Variants in ZNF451 observed in about 807,000 individuals in gnomAD.
ZNF451 encodes zinc finger protein 451.
In ZNF451, 80 loss-of-function variants were observed where a neutral mutation model predicts 107.1. The observed-to-expected ratio is 0.75, with a 90% CI of 0.62 to 0.90. The LOEUF (loss-of-function observed/expected upper bound fraction) is 0.90. Among genes scored for constraint, ZNF451 ranks in the 40% least tolerant of loss-of-function variants. The probability of loss-of-function intolerance (pLI) is 0.00; values close to 1 mark genes in which losing one functional copy is unlikely to be tolerated. For synonymous variants in ZNF451, 362 were observed against 406.5 expected (o/e 0.89, Z 1.32); for missense variants, 1,107 against 1,236.2 (o/e 0.90, Z 1.57).
intron 9 of ZNF451, 85 bp from the exon 10 acceptor site, chr6:57,147,000 GTTATT>G: frequency 8.2e-7 from 1 of 1,220,870 alleles, no homozygotes; most frequent in South Asian, 1.6e-5. Context: ...TTATACGTTG[GTTATT>G]TTATAATTCC....
chr6:57,100,867 C>T, intron 3 of ZNF451: 1 of 1,549,842 alleles, frequency 6.5e-7, no homozygotes, highest in East Asian at 2.4e-5. Context: ...TTCATCTCCA[C>T]TTCTGGTCCC....
chr6:57,159,700 T>G (rs1763586102), intron 13 of ZNF451, among the ~76,000 whole-genome samples: 1 of 152,158 alleles, frequency 6.6e-6, no homozygotes. Flanking sequence ...AATGTAATGT[T>G]TTATTTACCT....
At chr6:57,112,146 C>T (rs16888316) in intron 3 of ZNF451, among the ~76,000 whole-genome samples, 13,604 of 152,056 alleles carry the variant, frequency 0.089, 676 homozygotes, top group East Asian at 0.096. Flanking sequence ...ATTTGGGATA[C>T]GGGTTTGAGT....
intron 3 of ZNF451, among the ~76,000 whole-genome samples, chr6:57,119,218 T>C (rs1275501451): frequency 1.3e-5 from 2 of 152,160 alleles, no homozygotes; most frequent in South Asian, 2.1e-4. Flanking sequence ...TTGTAACCAA[T>C]CATTCTGGTA....
In ZNF451 at chr6:57,120,812, G is replaced by T. The variant is rs868409531; in HGVS notation, c.187-3922G>T. ...CAGTCCTTTATCAGATGTGTCTTTT[G>T]CACATATTCTCCCAGTCTGTGGCTT... On this transcript the variant is annotated intron_variant, in intron 3 of 14. Coordinates refer to ENST00000370706, the MANE Select transcript of ZNF451 (RefSeq NM_001031623.3). Among the ~76,000 whole-genome samples, 12 of 152,218 alleles carry T rather than the reference G, an allele frequency of 7.9e-5. No individual in the cohort carries two copies. The South Asian group carries it at 2.1e-3, about 26-fold the overall frequency.
Position 57,147,574 on chromosome 6 carries a change from G to C in ZNF451, c.1489G>C (p.Gly497Arg). ...EKHVFSANTM[G>R]YKCVVCGKVC... ...GCATGTTTTCTCAGCAAACACAATG[G>C]GTTATAAATGTGTGGTCTGTGGAAA... Residue 497 changes from glycine (G) to arginine (R), a missense_variant, in exon 10 of 15, where the codon GGT becomes CGT. Physicochemically the swap from Gly to Arg is moderately radical, Grantham distance 125. Around this residue, in one of 5 missense-constraint regions of ZNF451, gnomAD observed 608 missense variants for 649.2 expected, o/e 0.94. Coordinates refer to ENST00000370706, the MANE Select transcript of ZNF451 (RefSeq NM_001031623.3). 6.2e-7 allele frequency: 1 copy of C among 1,614,096 alleles called. No homozygotes were observed. The highest frequency in any genetic ancestry group is 8.5e-7 in the Non-Finnish European group (1 of 1,179,974).
intron 3 of ZNF451, chr6:57,099,593 G>T (rs931051520): frequency 1.4e-6 from 1 of 700,846 alleles, no homozygotes; most frequent in African/African-American, 1.8e-5. Flanking sequence ...GGTTTATAGG[G>T]GATATATTAC....
chr6:57,101,808 A>G, intron 3 of ZNF451: 1 of 1,550,542 alleles, frequency 6.4e-7, no homozygotes, highest in South Asian at 1.2e-5. Context: ...TTCGACTTAC[A>G]TCTCTCACTA....
At chr6:57,101,276 C>G in intron 3 of ZNF451, 1 of 1,550,938 alleles carries the variant, frequency 6.4e-7, no homozygotes, top group Admixed American at 2.0e-5. Flanking sequence ...GAAGGGAAAC[C>G]TGATTGTGTG....
intron 3 of ZNF451, chr6:57,106,638 G>A (rs1829877327): frequency 1.0e-6 from 1 of 979,648 alleles, no homozygotes; most frequent in Non-Finnish European, 1.2e-6. Context: ...TTTTATGTGA[G>A]GCATATTTTG....
At chr6:57,167,752 C>A (rs1763959816) in intron 14 of ZNF451, among the ~76,000 whole-genome samples, 1 of 152,150 alleles carries the variant, frequency 6.6e-6, no homozygotes, top group African/African-American at 2.4e-5. Flanking sequence ...TAGCATCATT[C>A]CCAAGGAGGA....
intron 6 of ZNF451, among the ~76,000 whole-genome samples, chr6:57,134,506 A>G (rs560400927): frequency 6.6e-6 from 1 of 152,320 alleles, no homozygotes; most frequent in Non-Finnish European, 1.5e-5. Flanking sequence ...ATTTTACCGG[A>G]TATTTAGTAC....
chr6:57,124,474 G>A (rs761994118), intron 3 of ZNF451: 1 of 716,804 alleles, frequency 1.4e-6, no homozygotes, highest in South Asian at 1.5e-5. Flanking sequence ...ACAGATCTGA[G>A]AAGAGTTTAC....
Position 57,147,450 on chromosome 6 carries a change from C to G in ZNF451, c.1365C>G (p.Ser455Arg). The G allele has an allele frequency of 1.2e-6, 2 of 1,614,062 alleles. No individual in the cohort carries two copies. The highest frequency in any genetic ancestry group is 1.7e-6 in the Non-Finnish European group (2 of 1,179,972). Reference sequence around the variant, plus strand: ...AGAAGATGAATTTAAAAGATAAAAGCCATGAAGGTGTTGCTTGTGTCCAGA... The same window carrying G: ...AGAAGATGAATTTAAAAGATAAAAGGCATGAAGGTGTTGCTTGTGTCCAGA... ...PKKKMNLKDK[S>R]HEGVACVQKE... The change falls in exon 10 of 15, where the codon AGC becomes AGG. Residue 455 changes from serine (S) to arginine (R), a missense_variant. This residue lies in a region of ZNF451 where 608 missense variants were observed against 649.2 expected (regional missense o/e 0.94). Transcript: ENST00000370706.
At position 57,142,100 on chromosome 6, in the gene ZNF451, G is replaced by T; in HGVS notation, c.1004+5G>T. On this transcript the variant is annotated splice_donor_5th_base_variant and intron_variant, in intron 9 of 14. Transcript: ENST00000370706. ...GGAGCTCACTGCCCATTTCAGGTTTGTATTGGTCTGGAGCTGTAAAGGAAT... is the reference window on the plus strand; with the variant it reads ...GGAGCTCACTGCCCATTTCAGGTTTTTATTGGTCTGGAGCTGTAAAGGAAT... 6.2e-7 allele frequency: 1 copy of T among 1,608,546 alleles called. No individual in the cohort carries two copies. The highest frequency in any genetic ancestry group is 1.3e-5 in the African/African-American group (1 of 75,024).
intron 3 of ZNF451, 71 bp downstream of exon 3, chr6:57,099,212 C>G: frequency 8.2e-7 from 1 of 1,220,310 alleles, no homozygotes; most frequent in Non-Finnish European, 1.2e-6. Context: ...AAGAGAGTTA[C>G]CAAATCAGGG....
At chr6:57,105,308 T>C in intron 3 of ZNF451, 3 of 983,750 alleles carry the variant, frequency 3.0e-6, no homozygotes, top group South Asian at 4.7e-5. Flanking sequence ...TGATTAGATA[T>C]ACAATGTATA....
rs1378657046 is a variant in ZNF451 at position 57,141,294 on chromosome 6, T to C, written c.703-8T>C. The C allele has an allele frequency of 2.5e-6, 4 of 1,595,130 alleles. No individual in the cohort carries two copies. The highest frequency in any genetic ancestry group is 2.6e-6 in the Non-Finnish European group (3 of 1,169,514). ...TTTTCCATAATACAGCTTTGTCTTA[T>C]ATTTTAGGAAGCCACAGATGATGGA... is the stretch of plus-strand genomic sequence containing the variant. On this transcript the variant is annotated splice_polypyrimidine_tract_variant and splice_region_variant and intron_variant, in intron 7 of 14. Transcript: ENST00000370706.
Position 57,169,163 on chromosome 6 carries a change from TGTATG to T in ZNF451, c.*697_*701del, listed in dbSNP as rs1764029059. On this transcript the variant is annotated 3_prime_UTR_variant, in exon 15 of 15. Transcript: ENST00000370706. ...TACCTGCTTAGACTTTTATGTGACT[TGTATG>T]GTCTCCTGGTTAAAGGGAATGGTGT... 6.6e-6 allele frequency: 1 copy of T among 152,146 alleles called. No individual in the cohort carries two copies. Among genetic ancestry groups the T allele is most frequent in the Admixed American group, 6.5e-5 (1 of 15,282 alleles). 9.4% of individuals were successfully genotyped at this position (152,146 alleles called of 1,614,324 possible).
Sources: gnomAD v4.1 joint callset for allele counts (sites outside exome capture counted in the v4.1 genomes callset) on GRCh38, gnomAD v4.1.1 for gene constraint, gnomAD v4.1.1 regional missense constraint, MANE v1.5 for transcripts, NCBI Gene and HGNC (gene_info 2026-07-23, HGNC 2026-07-21) for gene names.